BAZ1A: variants seen among roughly 807,000 people sequenced by gnomAD.
BAZ1A encodes bromodomain adjacent to zinc finger domain protein 1A.
BAZ1A carries 50 observed loss-of-function variants against 185.2 expected under a neutral mutation model. The observed-to-expected ratio is 0.27, with a 90% CI of 0.22 to 0.34. The LOEUF is 0.34. BAZ1A is among the 10% of genes least tolerant of loss of function. The probability of loss-of-function intolerance (pLI) is 1.00; values close to 1 mark genes in which losing one functional copy is unlikely to be tolerated. For missense variants in BAZ1A, 1,356 were observed against 1,839.9 expected (o/e 0.74, Z 4.81); for synonymous variants, 571 against 615.6 (o/e 0.93, Z 1.07).
chr14:34,778,689 T>C (rs1879830185), intron 17 of BAZ1A, among the ~76,000 whole-genome samples: 1 of 152,174 alleles, frequency 6.6e-6, no homozygotes, highest in Admixed American at 6.5e-5. Flanking sequence ...AAATTGTGTA[T>C]ATCTCATCTT....
intron 3 of BAZ1A, among the ~76,000 whole-genome samples, chr14:34,832,226 AT>A (rs2063473810): frequency 2.8e-5 from 4 of 144,314 alleles, no homozygotes; most frequent in Middle Eastern, 3.6e-3. Context: ...ATATATATAT[AT>A]ATATGTATGT....
intron 4 of BAZ1A, among the ~76,000 whole-genome samples, chr14:34,821,968 G>A (rs145384911): frequency 1.6e-4 from 24 of 151,576 alleles, no homozygotes; most frequent in African/African-American, 2.7e-4. Flanking sequence ...TGCCCAACAA[G>A]AGCAAAACCC....
intron 4 of BAZ1A, among the ~76,000 whole-genome samples, chr14:34,821,136 T>G (rs1160054202): frequency 6.6e-6 from 1 of 152,166 alleles, no homozygotes; most frequent in Non-Finnish European, 1.5e-5. Flanking sequence ...ACCTACAAAT[T>G]AAGTAGGGAT....
At chr14:34,823,150 T>TC (rs1262423307) in intron 4 of BAZ1A, among the ~76,000 whole-genome samples, 13 of 152,030 alleles carry the variant, frequency 8.6e-5, no homozygotes, top group Non-Finnish European at 1.5e-4. Context: ...GGTCAGGAGT[T>TC]CAAGACCTGC....
chr14:34,850,158 G>A (rs1444981776), intron 3 of BAZ1A, among the ~76,000 whole-genome samples: 1 of 152,006 alleles, frequency 6.6e-6, no homozygotes, highest in Non-Finnish European at 1.5e-5. Flanking sequence ...GGCTGGCACT[G>A]CTTGAGCCCA....
At chr14:34,862,855 A>G (rs1193655693) in intron 2 of BAZ1A, among the ~76,000 whole-genome samples, 3 of 151,788 alleles carry the variant, frequency 2.0e-5, no homozygotes, top group Non-Finnish European at 4.4e-5. Flanking sequence ...AGGTTTCTGG[A>G]ATGTCATACA....
chr14:34,837,492 G>A (rs1009393975), intron 3 of BAZ1A, among the ~76,000 whole-genome samples: 3 of 149,894 alleles, frequency 2.0e-5, no homozygotes, highest in African/African-American at 7.6e-5. Flanking sequence ...TCCTGCCTCA[G>A]TCTCTCCAAG....
At chr14:34,792,612 T>C (rs1880924998) in intron 12 of BAZ1A, among the ~76,000 whole-genome samples, 163 bp downstream of exon 12, 1 of 152,212 alleles carries the variant, frequency 6.6e-6, no homozygotes. Flanking sequence ...ACAAAATTTT[T>C]GTAACATAAT....
intron 25 of BAZ1A, among the ~76,000 whole-genome samples, chr14:34,757,913 A>G (rs1566542225): frequency 6.6e-6 from 1 of 150,384 alleles, no homozygotes; most frequent in Non-Finnish European, 1.5e-5. Flanking sequence ...CGCCTGGCTA[A>G]TTTTTTTGTA....
intron 3 of BAZ1A, among the ~76,000 whole-genome samples, chr14:34,861,812 T>C (rs1199720262): frequency 2.0e-5 from 3 of 151,742 alleles, no homozygotes; most frequent in Non-Finnish European, 2.9e-5. Flanking sequence ...ATAAGACACA[T>C]GTTATATATA....
intron 21 of BAZ1A, among the ~76,000 whole-genome samples, chr14:34,769,471 A>T (rs1471979311): frequency 6.6e-6 from 1 of 152,168 alleles, no homozygotes; most frequent in Non-Finnish European, 1.5e-5. Flanking sequence ...ACTGTATACA[A>T]ACCAGCATAA....
Position 34,762,199 on chromosome 14 carries a change from T to C in BAZ1A, c.3801A>G (p.Gln1267=), listed in dbSNP as rs1453962026. The C allele has an allele frequency of 6.2e-7, 1 of 1,614,140 alleles. No individual in the cohort carries two copies. Among genetic ancestry groups the C allele is most frequent in the Non-Finnish European group, 8.5e-7 (1 of 1,180,004 alleles). Residue 1267 remains glutamine, a synonymous_variant, in exon 24 of 27, where the codon CAA becomes CAG. Transcript: ENST00000360310. Reference sequence around the variant, plus strand: ...CTCTTGTTTTAACTGGCAATCTAACTTGTGGTCTTCCTCGTTTGGGTAGGC... The same window carrying C: ...CTCTTGTTTTAACTGGCAATCTAACCTGTGGTCTTCCTCGTTTGGGTAGGC... ...EVSLPKRGRP[Q]VRLPVKTRGK...
intron 3 of BAZ1A, among the ~76,000 whole-genome samples, chr14:34,857,335 G>A (rs574224175): frequency 6.6e-6 from 1 of 152,262 alleles, no homozygotes; most frequent in African/African-American, 2.4e-5. Context: ...GTAGGGTCTT[G>A]CTGTGTCACC....
chr14:34,855,821 C>G (rs905369037), intron 3 of BAZ1A, among the ~76,000 whole-genome samples: 2 of 152,050 alleles, frequency 1.3e-5, no homozygotes, highest in Non-Finnish European at 2.9e-5. Flanking sequence ...GAGGATCACC[C>G]AAGCCCAGGA....
intron 3 of BAZ1A, among the ~76,000 whole-genome samples, chr14:34,857,970 T>G (rs1403844451): frequency 6.6e-6 from 1 of 152,202 alleles, no homozygotes; most frequent in Non-Finnish European, 1.5e-5. Context: ...CTATTTGAAA[T>G]TTGTTTTGCA....
At position 34,795,546 on chromosome 14, in the gene BAZ1A, G is replaced by C. The variant is rs1383047620; in HGVS notation, c.1224+124C>G. The C allele has an allele frequency of 5.2e-6, 3 of 581,086 alleles. No homozygotes were observed. In the East Asian group the frequency reaches 9.4e-5, roughly 18 times the overall value. 36.0% of individuals were successfully genotyped at this position (581,086 alleles called of 1,614,324 possible). ...CTAAGTGTGAACATTTGCTTAACTA[G>C]CTATTTCCTCTCGGTTAAATATAAA... On this transcript the variant is annotated intron_variant, in intron 10 of 26. Coordinates refer to ENST00000360310, the MANE Select transcript of BAZ1A (RefSeq NM_013448.3).
Position 34,773,652 on chromosome 14 carries a change from T to C in BAZ1A, c.3072A>G (p.Glu1024=). The part of the protein sequence containing the change: ...RYELLSEENK[E]NGIIKTVNED... ...CATTCACAGTTTTAATTATCCCATT[T>C]TCCTTGTTTTCCTCACTTAACAGCT... The change falls in exon 20 of 27, where the codon GAA becomes GAG. Residue 1024 remains glutamate, a synonymous_variant. Transcript: ENST00000360310. 2 of 1,613,616 alleles carry C rather than the reference T, an allele frequency of 1.2e-6. No individual in the cohort carries two copies. Among genetic ancestry groups the C allele is most frequent in the Non-Finnish European group, 1.7e-6 (2 of 1,179,722 alleles).
At chr14:34,821,313 A>C (rs1301100270) in intron 4 of BAZ1A, among the ~76,000 whole-genome samples, 1 of 152,222 alleles carries the variant, frequency 6.6e-6, no homozygotes, top group Admixed American at 6.5e-5. Context: ...GATTCTAAGA[A>C]ACAAAACAAT....
At chr14:34,835,369 T>C (rs1283660308) in intron 3 of BAZ1A, among the ~76,000 whole-genome samples, 1 of 151,914 alleles carries the variant, frequency 6.6e-6, no homozygotes, top group Non-Finnish European at 1.5e-5. Context: ...CCCAGGGATT[T>C]AAGTAATTTG....
Sources: allele counts gnomAD v4.1 joint callset (sites outside exome capture counted in the v4.1 genomes callset), GRCh38; gene constraint gnomAD v4.1.1; transcripts MANE v1.5; gene names NCBI Gene and HGNC (gene_info 2026-07-23, HGNC 2026-07-21).